The following RALY variants were observed in gnomAD, a reference collection of about 807,000 sequenced individuals.
The protein encoded by RALY is RALY heterogeneous nuclear ribonucleoprotein.
RALY carries 15 observed loss-of-function variants against 30.7 expected under a neutral mutation model. That is an observed-to-expected ratio of 0.49 (90% CI 0.33 to 0.75). The LOEUF is 0.75. Among genes scored for constraint, RALY ranks in the 30% least tolerant of loss-of-function variants. RALY has a pLI of 0.02. For missense variants in RALY, 339 were observed against 414.3 expected (o/e 0.82, Z 1.58); for synonymous variants, 177 against 170.8 (o/e 1.04, Z -0.28).
intron 1 of RALY, among the ~76,000 whole-genome samples, chr20:33,997,437 C>T (rs999377909): frequency 1.8e-4 from 27 of 152,112 alleles, no homozygotes; most frequent in Admixed American, 5.9e-4. Context: ...AAAATAGAAC[C>T]GAGATAACTC....
At chr20:34,053,173 T>C (rs1453378289) in intron 2 of RALY, among the ~76,000 whole-genome samples, 1 of 152,018 alleles carries the variant, frequency 6.6e-6, no homozygotes, top group Non-Finnish European at 1.5e-5. Flanking sequence ...AAATATCACC[T>C]TTAAATTTGC....
rs769898003 is a variant in RALY, at chr20:34,075,965, C to A, written c.469C>A (p.Arg157Ser). Residue 157 changes from arginine (R) to serine (S), a missense_variant, in exon 6 of 10, where the codon CGT becomes AGT. Physicochemically the swap from Arg to Ser is moderately radical, Grantham distance 110. Around this residue, in one of 2 missense-constraint regions of RALY, gnomAD observed 268 missense variants for 280.6 expected, o/e 0.95. Coordinates refer to ENST00000246194, the MANE Select transcript of RALY (RefSeq NM_016732.3). ...RPRVTVPLVR[R>S]VKTNVPVKLF... ...CCGGGTCACAGTCCCTTTGGTCCGG[C>A]GTGTCAAAACTAACGTACCTGTCAA... The A allele has an allele frequency of 5.0e-6, 8 of 1,614,216 alleles. No homozygotes were observed. Among genetic ancestry groups the A allele is most frequent in the Non-Finnish European group, 5.9e-6 (7 of 1,180,042 alleles).
chr20:34,067,131 AG>A (rs1406052365), intron 2 of RALY, among the ~76,000 whole-genome samples: 2 of 152,336 alleles, frequency 1.3e-5, no homozygotes, highest in African/African-American at 4.8e-5. Flanking sequence ...ACCTCCTCAC[AG>A]GGCTGTTGTG....
rs1034863973 is a variant in RALY at position 34,003,714 on chromosome 20, A to G, written c.-93+9583A>G. 2.2e-5 allele frequency among the ~76,000 whole-genome samples: 3 copies of G among 133,630 alleles called. No homozygotes were observed. The Admixed American group carries it at 2.7e-4, about 12-fold the overall frequency. 87.7% of individuals were successfully genotyped at this position (133,630 alleles called of 152,430 possible). A position where few individuals can be genotyped will look rare whatever the true frequency, so the allele number is the denominator to read the frequency against. On this transcript the variant is annotated intron_variant, in intron 1 of 9. Coordinates refer to ENST00000246194, the MANE Select transcript of RALY (RefSeq NM_016732.3). ...GAGTGCAGTGGCGGGATCTCGGCTC[A>G]CTGCAAGCTCCGCCTCCCGGGTTCA...
At chr20:34,042,759 G>A (rs978160100) in intron 2 of RALY, among the ~76,000 whole-genome samples, 12 of 152,158 alleles carry the variant, frequency 7.9e-5, no homozygotes, top group Non-Finnish European at 1.5e-4. Flanking sequence ...TTTTATCTGC[G>A]TATTAAAGGT....
intron 1 of RALY, among the ~76,000 whole-genome samples, chr20:34,002,207 AT>A (rs1362560464): frequency 6.6e-6 from 1 of 152,216 alleles, no homozygotes; most frequent in Non-Finnish European, 1.5e-5. Flanking sequence ...GAGCACAAGA[AT>A]AACTTCTCTT....
At chr20:34,042,030 G>A (rs953919031) in intron 2 of RALY, among the ~76,000 whole-genome samples, 1 of 152,112 alleles carries the variant, frequency 6.6e-6, no homozygotes, top group Non-Finnish European at 1.5e-5. Context: ...GCTTGAGCGC[G>A]GGATTGCCAT....
chr20:34,077,640 A>T (rs1317756575), intron 8 of RALY: 2 of 317,760 alleles, frequency 6.3e-6, no homozygotes, highest in Non-Finnish European at 1.2e-5. Flanking sequence ...TTAAGCATGA[A>T]GCAAAAGCTG....
chr20:34,014,605 A>G (rs975804900), intron 1 of RALY, among the ~76,000 whole-genome samples: 2 of 152,102 alleles, frequency 1.3e-5, no homozygotes, highest in South Asian at 2.1e-4. Flanking sequence ...TCCCTCAGGG[A>G]AAAAAAATTC....
chr20:34,059,793 A>C (rs1263020551), intron 2 of RALY, among the ~76,000 whole-genome samples: 1 of 152,158 alleles, frequency 6.6e-6, no homozygotes, highest in Non-Finnish European at 1.5e-5. Context: ...AGAATGTAGG[A>C]GTTCCATCAG....
intron 1 of RALY, among the ~76,000 whole-genome samples, chr20:34,024,159 C>G (rs1447764360): frequency 6.6e-6 from 1 of 152,118 alleles, no homozygotes; most frequent in Non-Finnish European, 1.5e-5. Flanking sequence ...AATGGTTGAG[C>G]CCTTCCAACT....
In RALY at chr20:34,031,114, C is replaced by T. The variant is rs1005973764; in HGVS notation, c.-92-408C>T. Among the ~76,000 whole-genome samples, 3 of 146,278 alleles carry T rather than the reference C, an allele frequency of 2.1e-5. No homozygotes were observed. The Admixed American group carries it at 2.1e-4, about 10-fold the overall frequency. On this transcript the variant is annotated intron_variant, in intron 1 of 9. Transcript: ENST00000246194. ...AGGCTGTAGTGCAGTGGCACGATCT[C>T]GCTCACTGGAACCTCCGCCTCCCAG...
chr20:34,000,089 C>T (rs1443388679), intron 1 of RALY, among the ~76,000 whole-genome samples: 1 of 152,006 alleles, frequency 6.6e-6, no homozygotes, highest in African/African-American at 2.4e-5. Context: ...GGCTTCATGT[C>T]TATATAGCTG....
chr20:34,075,131 G>A (rs1456161019), intron 5 of RALY, among the ~76,000 whole-genome samples: 1 of 152,014 alleles, frequency 6.6e-6, no homozygotes, highest in Non-Finnish European at 1.5e-5. Flanking sequence ...GGGAGCCCTG[G>A]GGGGGTCTGA....
chr20:34,023,761 A>G (rs1324389367), intron 1 of RALY, among the ~76,000 whole-genome samples: 1 of 152,136 alleles, frequency 6.6e-6, no homozygotes, highest in Non-Finnish European at 1.5e-5. Flanking sequence ...TAATAGGGCC[A>G]GAACCAGTCT....
At chr20:34,024,509 T>C (rs2031947199) in intron 1 of RALY, among the ~76,000 whole-genome samples, 1 of 152,232 alleles carries the variant, frequency 6.6e-6, no homozygotes, top group Non-Finnish European at 1.5e-5. Flanking sequence ...TGTTGTATTC[T>C]GTGGACGTTC....
chr20:34,049,461 A>G (rs2033003180), intron 2 of RALY, among the ~76,000 whole-genome samples: 1 of 152,142 alleles, frequency 6.6e-6, no homozygotes, highest in Non-Finnish European at 1.5e-5. Context: ...CAAGCAGGCT[A>G]ATTAAGAACC....
At chr20:34,076,221 G>T (rs763330186) in intron 6 of RALY, 181 bp downstream of exon 6, 1 of 791,614 alleles carries the variant, frequency 1.3e-6, no homozygotes, top group Non-Finnish European at 2.0e-6. Flanking sequence ...TTAGGAGGAG[G>T]GGTTGTGTTG....
At position 34,013,324 on chromosome 20, in the gene RALY, A is replaced by G. The variant is rs148166291; in HGVS notation, c.-92-18198A>G. Among the ~76,000 whole-genome samples, 230 of 151,512 alleles carry G rather than the reference A, an allele frequency of 1.5e-3. 2 individuals carry two copies. Among genetic ancestry groups the G allele is most frequent in the Non-Finnish European group, 2.7e-3 (180 of 67,798 alleles). On this transcript the variant is annotated intron_variant, in intron 1 of 9. Coordinates refer to ENST00000246194, the MANE Select transcript of RALY (RefSeq NM_016732.3). ...AGCTACTTGGGAGGCTGGGGTGGGA[A>G]GATCGCTTGAGCCTAGGAGGTTGAG... is the stretch of plus-strand genomic sequence containing the variant.
Sources: allele counts gnomAD v4.1 joint callset (sites outside exome capture counted in the v4.1 genomes callset), GRCh38; gene constraint gnomAD v4.1.1; regional missense constraint gnomAD v4.1.1; transcripts MANE v1.5; gene names NCBI Gene and HGNC (gene_info 2026-07-23, HGNC 2026-07-21).